The following SPON1 variants were observed in gnomAD, a reference collection of about 807,000 sequenced individuals.
SPON1 encodes the protein spondin-1.
In SPON1, 52 loss-of-function variants were observed where a neutral mutation model predicts 111.7. That is an observed-to-expected ratio of 0.47 (90% confidence interval 0.37 to 0.59). The LOEUF is 0.59. SPON1 is among the 20% of genes least tolerant of loss of function. SPON1 has a pLI of 0.00. For missense variants in SPON1, 957 were observed against 1,068.5 expected, an observed-to-expected ratio of 0.90 and a Z score of 1.46; for synonymous variants, 410 against 395.8, an observed-to-expected ratio of 1.04 and a Z score of -0.43.
At chr11:14,156,517 T>C (rs1377880885) in intron 6 of SPON1, among the ~76,000 whole-genome samples, 1 of 150,812 alleles carries the variant, frequency 6.6e-6, no homozygotes, top group Non-Finnish European at 1.5e-5. Flanking sequence ...CATTTGTCAA[T>C]TTTGGCTTTT....
chr11:14,106,308 A>C (rs78295711), intron 5 of SPON1, among the ~76,000 whole-genome samples: 1,729 of 152,290 alleles, frequency 0.011, 31 homozygotes, highest in African/African-American at 0.04. Flanking sequence ...ATAAACACCA[A>C]AAAGCCTTAT....
At chr11:14,012,731 A>T (rs1848415564) in intron 2 of SPON1, among the ~76,000 whole-genome samples, 1 of 151,946 alleles carries the variant, frequency 6.6e-6, no homozygotes, top group East Asian at 1.9e-4. Context: ...CATTGGGGAG[A>T]ATTTCCCTTT....
chr11:14,135,637 C>T lies in SPON1; in HGVS notation c.825+69C>T. On this transcript the variant is annotated intron_variant, in intron 6 of 15. Transcript: ENST00000576479. The surrounding 1 kb of genome is among the most constrained non-coding windows in gnomAD (Gnocchi z 4.4). Reference sequence around the variant, plus strand: ...GTCAAAGCACTCCTTAGATATCTTTCCCAGGGGCTTGAAATTTGCAGTACA... The same window carrying T: ...GTCAAAGCACTCCTTAGATATCTTTTCCAGGGGCTTGAAATTTGCAGTACA... 1.3e-6 allele frequency: 2 copies of T among 1,496,912 alleles called. No homozygotes were observed. Among genetic ancestry groups the T allele is most frequent in the East Asian group, 2.3e-5 (1 of 44,000 alleles). The allele number at this position is 1,496,912 out of a possible 1,614,324, so 92.7% of individuals were successfully genotyped here.
chr11:14,002,180 A>G (rs1848324238), intron 2 of SPON1, among the ~76,000 whole-genome samples: 2 of 152,220 alleles, frequency 1.3e-5, no homozygotes, highest in African/African-American at 4.8e-5. Flanking sequence ...TAATAGTAAT[A>G]TCTTCCTTAT....
At position 14,161,610 on chromosome 11, in the gene SPON1, C is replaced by T. The variant is rs377495025; in HGVS notation, c.825+26042C>T. Among the ~76,000 whole-genome samples, 10 of 151,902 alleles carry T rather than the reference C, an allele frequency of 6.6e-5. No individual in the cohort carries two copies. The East Asian group carries it at 9.7e-4, about 15-fold the overall frequency. ...CCGGGATTACAGGCATGAGCCACTG[C>T]ATCCAGCTAGAGCACTTACATTAAC... On this transcript the variant is annotated intron_variant, in intron 6 of 15. Transcript: ENST00000576479.
chr11:14,175,055 G>C (rs1848159103), intron 6 of SPON1, among the ~76,000 whole-genome samples: 2 of 149,654 alleles, frequency 1.3e-5, no homozygotes, highest in Non-Finnish European at 3.0e-5. Context: ...GGGAGGGGGA[G>C]ACTCAATAAA....
chr11:14,204,972 C>T (rs560047778), intron 6 of SPON1, among the ~76,000 whole-genome samples: 4 of 152,246 alleles, frequency 2.6e-5, no homozygotes, highest in African/African-American at 9.6e-5. Flanking sequence ...CAGGCGTGAG[C>T]CACCGCGCCT....
intron 5 of SPON1, among the ~76,000 whole-genome samples, chr11:14,107,536 T>C (rs1474862905): frequency 1.4e-5 from 2 of 146,820 alleles, no homozygotes; most frequent in African/African-American, 5.1e-5. Flanking sequence ...GCTCCTGGGC[T>C]AATTCTGCTT....
At chr11:14,065,100 C>G (rs1241218360) in intron 3 of SPON1, among the ~76,000 whole-genome samples, 1 of 152,152 alleles carries the variant, frequency 6.6e-6, no homozygotes, top group Non-Finnish European at 1.5e-5. Context: ...ACCTAAAGAG[C>G]AAGCATCTCC....
rs117539592 is a variant in SPON1, at chr11:14,167,760, C to T, written c.825+32192C>T. On this transcript the variant is annotated intron_variant, in intron 6 of 15. Coordinates refer to ENST00000576479, the MANE Select transcript of SPON1 (RefSeq NM_006108.4). ...AAACCCTGTTACTTGGACACATGGG[C>T]CCAGATTCTGGTCCCACATCAGTAT... 5.3e-3 allele frequency among the ~76,000 whole-genome samples: 800 copies of T among 152,182 alleles called. 30 individuals carry two copies. In the East Asian group the frequency reaches 0.098, roughly 19 times the overall value.
intron 5 of SPON1, among the ~76,000 whole-genome samples, chr11:14,107,836 C>T (rs368365902): frequency 2.0e-5 from 3 of 152,048 alleles, no homozygotes; most frequent in South Asian, 2.1e-4. Flanking sequence ...GTCAGCACTC[C>T]GCTGAGAGGC....
At position 14,135,648 on chromosome 11, in the gene SPON1, G is replaced by A. The variant is rs1847583094; in HGVS notation, c.825+80G>A. 2.8e-6 allele frequency: 4 copies of A among 1,411,778 alleles called. No individual in the cohort carries two copies. The highest frequency in any genetic ancestry group is 1.4e-5 in the African/African-American group (1 of 70,792). The allele number at this position is 1,411,778 out of a possible 1,614,324, so 87.5% of individuals were successfully genotyped here. ...CCTTAGATATCTTTCCCAGGGGCTT[G>A]AAATTTGCAGTACAATGTGGTGGAA... is the stretch of plus-strand genomic sequence containing the variant. On this transcript the variant is annotated intron_variant, in intron 6 of 15. Transcript: ENST00000576479. This position sits in a 1 kb window ranked among gnomAD's most constrained non-coding sequence, Gnocchi z 4.4.
intron 6 of SPON1, among the ~76,000 whole-genome samples, chr11:14,136,572 C>T (rs138507592): frequency 1.3e-5 from 2 of 152,330 alleles, no homozygotes; most frequent in East Asian, 3.9e-4. Flanking sequence ...CAGTGTTCCC[C>T]ACCATCTGGA....
chr11:14,233,607 C>T (rs1554938957), intron 6 of SPON1, among the ~76,000 whole-genome samples: 1 of 152,096 alleles, frequency 6.6e-6, no homozygotes, highest in African/African-American at 2.4e-5. Flanking sequence ...ATATTCCCTG[C>T]ATACCTCTCA....
intron 2 of SPON1, among the ~76,000 whole-genome samples, chr11:13,984,374 A>G (rs1848166291): frequency 2.0e-5 from 3 of 152,190 alleles, no homozygotes; most frequent in Non-Finnish European, 4.4e-5. Flanking sequence ...TATAAACAAT[A>G]GAAGTTTATT....
At chr11:14,014,439 T>C (rs545904530) in intron 2 of SPON1, among the ~76,000 whole-genome samples, 2 of 152,388 alleles carry the variant, frequency 1.3e-5, no homozygotes, top group Admixed American at 6.5e-5. Flanking sequence ...TAGTGCATCA[T>C]TGATACCTCT....
In SPON1 at chr11:14,135,089, C is replaced by T. The variant is rs1293184214; in HGVS notation, c.677-331C>T. ...TTGGATGGGAGTCTGCCAGAACAGT[C>T]CTTTCTACTCTATTTTGCCTTACAA... On this transcript the variant is annotated intron_variant, in intron 5 of 15. Transcript: ENST00000576479. The surrounding 1 kb of genome is among the most constrained non-coding windows in gnomAD (Gnocchi z 4.4). The T allele has an allele frequency of 5.3e-6, 1 of 187,872 alleles. No homozygotes were observed. The highest frequency in any genetic ancestry group is 2.3e-5 in the African/African-American group (1 of 43,118). 11.6% of individuals were successfully genotyped at this position (187,872 alleles called of 1,614,324 possible). A position where few individuals can be genotyped will look rare whatever the true frequency, so the allele number is the denominator to read the frequency against.
chr11:13,987,750 A>T lies in SPON1; in HGVS notation c.345+4797A>T, dbSNP rs1848196666. 1.3e-5 allele frequency among the ~76,000 whole-genome samples: 2 copies of T among 152,210 alleles called. 1 individual carries two copies. The highest frequency in any genetic ancestry group is 4.1e-4 in the South Asian group (2 of 4,836). ...TGTATAAGGTGTAAGGAAGAGGTCC[A>T]GTTTCAGTTTTCTGCATATGGCTAG... On this transcript the variant is annotated intron_variant, in intron 2 of 15. Transcript: ENST00000576479.
chr11:14,186,856 G>A (rs1848290954), intron 6 of SPON1, among the ~76,000 whole-genome samples: 1 of 152,188 alleles, frequency 6.6e-6, no homozygotes, highest in Admixed American at 6.5e-5. Flanking sequence ...AAGTAATCCT[G>A]TGAAGTGAAA....
Sources: allele counts gnomAD v4.1 joint callset (sites outside exome capture counted in the v4.1 genomes callset), GRCh38; gene constraint gnomAD v4.1.1; non-coding constraint Gnocchi (gnomAD v3.1); transcripts MANE v1.5; gene names NCBI Gene and HGNC (gene_info 2026-07-23, HGNC 2026-07-21).